DNER: variants seen among roughly 807,000 people sequenced by gnomAD.
The protein encoded by DNER is delta/notch like EGF repeat containing, also known as delta and Notch-like epidermal growth factor-related receptor.
A neutral mutation model predicts 78.2 loss-of-function variants in DNER; 33 were observed. The ratio of observed to expected loss-of-function variants is 0.42; its 90% CI spans 0.32 to 0.56. The LOEUF is 0.56. Among genes scored for constraint, DNER ranks in the 20% least tolerant of loss-of-function variants. The probability of loss-of-function intolerance (pLI) is 0.11; values close to 1 mark genes in which losing one functional copy is unlikely to be tolerated. For missense variants in DNER, 918 were observed against 975.3 expected, an observed-to-expected ratio of 0.94 and a Z score of 0.78; for synonymous variants, 417 against 384.8, an observed-to-expected ratio of 1.08 and a Z score of -0.98.
chr2:229,429,461 G>T (rs1047284212), intron 8 of DNER, among the ~76,000 whole-genome samples: 3 of 152,202 alleles, frequency 2.0e-5, no homozygotes, highest in Non-Finnish European at 4.4e-5. Context: ...TGTCCGTGAG[G>T]TGGTAACACA....
chr2:229,541,374 C>T (rs1359867585), intron 5 of DNER, among the ~76,000 whole-genome samples: 1 of 152,088 alleles, frequency 6.6e-6, no homozygotes, highest in Non-Finnish European at 1.5e-5. Context: ...CTTGGCTGTG[C>T]CACAGTGCCC....
At chr2:229,551,088 T>C (rs545626995) in intron 4 of DNER, among the ~76,000 whole-genome samples, 74 of 152,348 alleles carry the variant, frequency 4.9e-4, no homozygotes, top group Non-Finnish European at 9.4e-4. Flanking sequence ...GAGAAGGATA[T>C]TTTGAGAAAT....
intron 4 of DNER, among the ~76,000 whole-genome samples, chr2:229,584,463 G>C (rs899244849): frequency 8.5e-5 from 13 of 152,154 alleles, no homozygotes; most frequent in Non-Finnish European, 1.9e-4. Flanking sequence ...AGAGTTCCAA[G>C]TTCCAACCCC....
chr2:229,596,801 G>C (rs1283022630), intron 1 of DNER, among the ~76,000 whole-genome samples: 3 of 152,250 alleles, frequency 2.0e-5, no homozygotes, highest in Non-Finnish European at 4.4e-5. Context: ...GACACGGAAG[G>C]CCAGGAGAAA....
intron 1 of DNER, among the ~76,000 whole-genome samples, chr2:229,626,956 C>G (rs552146999): frequency 3.3e-5 from 5 of 152,320 alleles, no homozygotes; most frequent in African/African-American, 1.2e-4. Flanking sequence ...GGGGTCGAAC[C>G]CTGTTATCAA....
At chr2:229,379,266 A>G (rs993859551) in intron 11 of DNER, among the ~76,000 whole-genome samples, 2 of 152,182 alleles carry the variant, frequency 1.3e-5, no homozygotes, top group African/African-American at 4.8e-5. Context: ...AAGATCAACC[A>G]GTATTTATTT....
intron 11 of DNER, among the ~76,000 whole-genome samples, chr2:229,374,894 A>G (rs992604390): frequency 6.6e-6 from 1 of 152,216 alleles, no homozygotes; most frequent in African/African-American, 2.4e-5. Flanking sequence ...TGTGTGTTAC[A>G]TGCAGCGTCA....
At chr2:229,664,167 A>T (rs919594687) in intron 1 of DNER, among the ~76,000 whole-genome samples, 3 of 152,204 alleles carry the variant, frequency 2.0e-5, no homozygotes, top group Non-Finnish European at 4.4e-5. Flanking sequence ...AGTTACAAAG[A>T]TTTCTGTTCA....
chr2:229,484,695 C>A lies in DNER; in HGVS notation c.1148-7442G>T, dbSNP rs147744073. 6.1e-3 allele frequency among the ~76,000 whole-genome samples: 932 copies of A among 152,172 alleles called. 6 individuals carry two copies. Among genetic ancestry groups the A allele is most frequent in the African/African-American group, 0.022 (904 of 41,522 alleles). ...GTGACTGGCATCTAGTAGGTAGAGCCAGGGCTGCTGCTGAACACTCTCCAA... is the reference window on the plus strand; with the variant it reads ...GTGACTGGCATCTAGTAGGTAGAGCAAGGGCTGCTGCTGAACACTCTCCAA... On this transcript the variant is annotated intron_variant, in intron 6 of 12. Transcript: ENST00000341772.
intron 12 of DNER, among the ~76,000 whole-genome samples, chr2:229,363,014 C>T (rs1375555270): frequency 6.6e-5 from 10 of 152,166 alleles, no homozygotes; most frequent in South Asian, 6.2e-4. Context: ...GTCTTTTTCC[C>T]GTGATCAGGC....
rs1692504032 is a variant in DNER at position 229,372,377 on chromosome 2, T to C, written c.1856-5258A>G. Among the ~76,000 whole-genome samples the C allele has an allele frequency of 2.6e-5, 4 of 152,086 alleles. No individual in the cohort carries two copies. The South Asian group carries it at 8.3e-4, about 32-fold the overall frequency. On this transcript the variant is annotated intron_variant, in intron 11 of 12. Coordinates refer to ENST00000341772, the MANE Select transcript of DNER (RefSeq NM_139072.4). ...CAACAGGAGCCCTTACGGAGTTAGG[T>C]TATGAGTGGGCACTAACCAGGGACG...
intron 1 of DNER, among the ~76,000 whole-genome samples, chr2:229,594,095 G>A (rs928065036): frequency 6.6e-6 from 1 of 152,200 alleles, no homozygotes; most frequent in East Asian, 1.9e-4. Context: ...AAGGGGCACT[G>A]AGCACAGCAG....
intron 1 of DNER, among the ~76,000 whole-genome samples, chr2:229,671,771 C>A (rs1372394640): frequency 6.6e-6 from 1 of 152,216 alleles, no homozygotes; most frequent in African/African-American, 2.4e-5. Flanking sequence ...GGGCAGATAA[C>A]AACTACCCTC....
chr2:229,540,288 A>G (rs1188624693), intron 5 of DNER, among the ~76,000 whole-genome samples: 1 of 151,972 alleles, frequency 6.6e-6, no homozygotes, highest in African/African-American at 2.4e-5. Context: ...GAGCAAAACC[A>G]CAGAGATTTG....
chr2:229,458,642 C>CA (rs35248267), intron 7 of DNER, among the ~76,000 whole-genome samples: 44 of 147,580 alleles, frequency 3.0e-4, no homozygotes, highest in Non-Finnish European at 4.8e-4. Flanking sequence ...AGGGTATATA[C>CA]AAAAAAAAAA....
At chr2:229,433,278 TTAAC>T (rs1180421618) in intron 8 of DNER, among the ~76,000 whole-genome samples, 1 of 152,198 alleles carries the variant, frequency 6.6e-6, no homozygotes, top group Non-Finnish European at 1.5e-5. Flanking sequence ...CTAAGCGCGT[TTAAC>T]TAATCCAACC....
chr2:229,642,388 C>A (rs1182724307), intron 1 of DNER, among the ~76,000 whole-genome samples: 1 of 152,136 alleles, frequency 6.6e-6, no homozygotes, highest in Non-Finnish European at 1.5e-5. Context: ...AAAGAGGCAT[C>A]AATTCCCCCT....
chr2:229,524,907 G>A (rs985162629), intron 5 of DNER, among the ~76,000 whole-genome samples: 2 of 152,168 alleles, frequency 1.3e-5, no homozygotes, highest in African/African-American at 2.4e-5. Context: ...TTCTCAAGAC[G>A]TTTGTCACCA....
intron 6 of DNER, among the ~76,000 whole-genome samples, chr2:229,478,764 C>T (rs769836557): frequency 5.3e-5 from 8 of 152,020 alleles, no homozygotes; most frequent in Non-Finnish European, 1.0e-4. Context: ...CTCACGTAAC[C>T]TTATGAGGTT....
Sources: allele counts gnomAD v4.1 joint callset (sites outside exome capture counted in the v4.1 genomes callset), GRCh38; gene constraint gnomAD v4.1.1; transcripts MANE v1.5; gene names NCBI Gene and HGNC (gene_info 2026-07-23, HGNC 2026-07-21).